Variants in BABAM2 observed in about 807,000 individuals in gnomAD.
BABAM2 encodes the protein BRISC and BRCA1 A complex member 2.
Under a neutral mutation model 54.7 loss-of-function variants are expected in BABAM2, and 31 were observed. That is an observed-to-expected ratio of 0.57 (90% CI 0.43 to 0.77). The LOEUF is 0.77. Among genes scored for constraint, BABAM2 ranks in the 30% least tolerant of loss-of-function variants. BABAM2 has a pLI of 0.00. For synonymous variants in BABAM2, 167 were observed against 162.9 expected, an observed-to-expected ratio of 1.03 and a Z score of -0.19; for missense variants, 364 against 455.8, an observed-to-expected ratio of 0.80 and a Z score of 1.83.
intron 7 of BABAM2, among the ~76,000 whole-genome samples, chr2:28,191,923 AAG>A (rs1341172104): frequency 1.3e-5 from 2 of 152,236 alleles, no homozygotes; most frequent in African/African-American, 2.4e-5. Flanking sequence ...AAAAAGAAAA[AAG>A]AACTGATTGC....
At chr2:28,251,045 A>G (rs1429480238) in intron 10 of BABAM2, among the ~76,000 whole-genome samples, 3 of 152,186 alleles carry the variant, frequency 2.0e-5, no homozygotes, top group Non-Finnish European at 2.9e-5. Context: ...GTGTTTATTC[A>G]GTCTAATGAA....
intron 11 of BABAM2, among the ~76,000 whole-genome samples, chr2:28,300,560 T>C (rs910995684): frequency 6.6e-6 from 1 of 152,234 alleles, no homozygotes; most frequent in Non-Finnish European, 1.5e-5. Context: ...GGATCTGCCC[T>C]AAGAAGATGG....
chr2:28,234,512 T>A lies in BABAM2; in HGVS notation c.681-2690T>A, dbSNP rs150460565. Among the ~76,000 whole-genome samples, 1,097 of 152,330 alleles carry A rather than the reference T, an allele frequency of 7.2e-3. 8 individuals are homozygous for A. Among genetic ancestry groups the A allele is most frequent in the African/African-American group, 0.025 (1,041 of 41,564 alleles). Reference sequence around the variant, plus strand: ...TTTTCCTTCCATGTATATAATTTAATGACTGATTAAAGACTTCTCTTGTAA... The same window carrying A: ...TTTTCCTTCCATGTATATAATTTAAAGACTGATTAAAGACTTCTCTTGTAA... On this transcript the variant is annotated intron_variant, in intron 7 of 11. Transcript: ENST00000379624.
chr2:28,319,154 G>A (rs1018433287), intron 11 of BABAM2, among the ~76,000 whole-genome samples: 6 of 152,298 alleles, frequency 3.9e-5, no homozygotes, highest in South Asian at 2.1e-4. Flanking sequence ...ATAGAATTGC[G>A]TCCCAGTGAA....
chr2:27,913,832 C>T (rs528706774), intron 2 of BABAM2, among the ~76,000 whole-genome samples: 205 of 152,218 alleles, frequency 1.3e-3, no homozygotes, highest in Middle Eastern at 6.8e-3. Context: ...CTAAGTTGAA[C>T]GTCTTAAACA....
intron 7 of BABAM2, among the ~76,000 whole-genome samples, chr2:28,196,863 T>TTTTTTTA (rs1558426904): frequency 1.5e-5 from 2 of 135,278 alleles, no homozygotes; most frequent in East Asian, 2.1e-4. Flanking sequence ...TTTTTTTTTT[T>TTTTTTTA]GAGGAGGGTC....
chr2:28,292,243 C>T (rs953145582), intron 10 of BABAM2, among the ~76,000 whole-genome samples: 4 of 152,152 alleles, frequency 2.6e-5, no homozygotes, highest in Admixed American at 6.5e-5. Context: ...TGATGTGACT[C>T]CCAGGGAAGC....
At chr2:28,268,163 G>A (rs1296060488) in intron 10 of BABAM2, among the ~76,000 whole-genome samples, 7 of 152,168 alleles carry the variant, frequency 4.6e-5, no homozygotes, top group African/African-American at 1.7e-4. Context: ...CTGCATTAAA[G>A]CCATGTTTCT....
intron 7 of BABAM2, among the ~76,000 whole-genome samples, chr2:28,188,156 C>T (rs1676523107): frequency 6.6e-6 from 1 of 152,174 alleles, no homozygotes; most frequent in African/African-American, 2.4e-5. Context: ...ACAATGCCCG[C>T]CTCGTTCATT....
intron 10 of BABAM2, among the ~76,000 whole-genome samples, chr2:28,278,459 G>A (rs1187368115): frequency 6.6e-6 from 1 of 152,180 alleles, no homozygotes; most frequent in Non-Finnish European, 1.5e-5. Context: ...GTGAGGGAGA[G>A]GGAGGAATTG....
chr2:27,979,701 T>C (rs987611972), intron 3 of BABAM2, among the ~76,000 whole-genome samples: 2 of 152,214 alleles, frequency 1.3e-5, no homozygotes, highest in African/African-American at 4.8e-5. Flanking sequence ...TGTGTATTTC[T>C]CTAATGATTA....
chr2:28,275,495 C>T (rs976438687), intron 10 of BABAM2, among the ~76,000 whole-genome samples: 14 of 152,092 alleles, frequency 9.2e-5, no homozygotes, highest in Admixed American at 6.5e-4. Flanking sequence ...AATGCCAGGC[C>T]AGGAAAGGCA....
chr2:28,133,063 T>TAGA (rs1670228638), intron 7 of BABAM2, among the ~76,000 whole-genome samples: 1 of 152,192 alleles, frequency 6.6e-6, no homozygotes, highest in East Asian at 1.9e-4. Context: ...CAAACATTCT[T>TAGA]ATATCTTTAA....
intron 6 of BABAM2, 122 bp from the exon 7 acceptor site, chr2:28,129,148 TA>T: frequency 1.2e-6 from 1 of 865,808 alleles, no homozygotes; most frequent in South Asian, 1.5e-5. Flanking sequence ...GCAAAGCAGC[TA>T]AGCTAAAGTG....
intron 4 of BABAM2, 121 bp from the exon 5 acceptor site, chr2:28,025,105 A>T (rs113028909): frequency 1.2e-6 from 1 of 840,828 alleles, no homozygotes; most frequent in Admixed American, 2.9e-5. Flanking sequence ...GCTAAGGAGG[A>T]GTAGTCTGTT....
intron 7 of BABAM2, among the ~76,000 whole-genome samples, chr2:28,156,402 T>G: frequency 6.6e-6 from 1 of 152,178 alleles, no homozygotes; most frequent in East Asian, 1.9e-4. Context: ...CCATGTATTA[T>G]TTATATATTA....
chr2:27,952,826 T>C (rs1669835433), intron 3 of BABAM2, among the ~76,000 whole-genome samples: 1 of 152,216 alleles, frequency 6.6e-6, no homozygotes, highest in Admixed American at 6.5e-5. Flanking sequence ...GCAAGACTTC[T>C]GTCTGATATA....
chr2:27,923,439 T>A (rs1361657299), intron 2 of BABAM2, among the ~76,000 whole-genome samples: 1 of 151,896 alleles, frequency 6.6e-6, no homozygotes, highest in Non-Finnish European at 1.5e-5. Context: ...GGCAAAGCCC[T>A]GAGACCCTGT....
chr2:28,324,600 C>T (rs1021271550), intron 11 of BABAM2, among the ~76,000 whole-genome samples: 7 of 151,234 alleles, frequency 4.6e-5, no homozygotes, highest in African/African-American at 1.5e-4. Context: ...ATAGTGAGAC[C>T]CGTAACATAG....
Sources: gnomAD v4.1 joint callset for allele counts (sites outside exome capture counted in the v4.1 genomes callset) on GRCh38, gnomAD v4.1.1 for gene constraint, MANE v1.5 for transcripts, NCBI Gene and HGNC (gene_info 2026-07-23, HGNC 2026-07-21) for gene names.